Variants in PRKAG2 observed in about 807,000 individuals in gnomAD.
PRKAG2 encodes the protein 5'-AMP-activated protein kinase subunit gamma-2.
In PRKAG2, 26 loss-of-function variants were observed where a neutral mutation model predicts 69.6. The ratio of observed to expected loss-of-function variants is 0.37; its 90% CI spans 0.27 to 0.52. The LOEUF (loss-of-function observed/expected upper bound fraction) is 0.52, where lower values mean the gene tolerates loss of function less well. Among genes scored for constraint, PRKAG2 ranks in the 20% least tolerant of loss-of-function variants. PRKAG2 has a pLI of 0.90. For missense variants in PRKAG2, 557 were observed against 740.0 expected, an observed-to-expected ratio of 0.75 and a Z score of 2.87; for synonymous variants, 293 against 285.0, an observed-to-expected ratio of 1.03 and a Z score of -0.28.
chr7:151,617,851 A>G (rs1241945721), intron 5 of PRKAG2, among the ~76,000 whole-genome samples: 1 of 152,142 alleles, frequency 6.6e-6, no homozygotes, highest in Non-Finnish European at 1.5e-5. Flanking sequence ...ATAATTCCAC[A>G]AAAAATTATC....
chr7:151,772,557 G>A (rs180768219), intron 3 of PRKAG2, among the ~76,000 whole-genome samples: 2 of 152,276 alleles, frequency 1.3e-5, no homozygotes, highest in Admixed American at 6.5e-5. Context: ...GAAAGGCTGT[G>A]GATATTTATA....
At position 151,729,620 on chromosome 7, in the gene PRKAG2, G is replaced by A. The variant is rs552315469; in HGVS notation, c.466+51532C>T. ...CAGGTGTGATCCAGAGCCCTCCCAC[G>A]GTCCACAAGAGGGGCATACACTGGC... On this transcript the variant is annotated intron_variant, in intron 3 of 15. Coordinates refer to ENST00000287878, the MANE Select transcript of PRKAG2 (RefSeq NM_016203.4). Among the ~76,000 whole-genome samples the A allele has an allele frequency of 4.6e-5, 7 of 152,188 alleles. No homozygotes were observed. The East Asian group carries it at 5.8e-4, about 13-fold the overall frequency.
chr7:151,632,643 G>A lies in PRKAG2; in HGVS notation c.685-505C>T. On this transcript the variant is annotated intron_variant, in intron 4 of 15. Transcript: ENST00000287878. This position sits in a 1 kb window ranked among gnomAD's most constrained non-coding sequence, Gnocchi z 4.2. ...GTGGGCTCCGCGGCGCGGGGAGGGG[G>A]AGAGGGGCTGGAGGCTGCAGAACGC... 4.1e-6 allele frequency: 4 copies of A among 982,830 alleles called. No individual in the cohort carries two copies. The highest frequency in any genetic ancestry group is 4.8e-6 in the Non-Finnish European group (4 of 827,678). 60.9% of individuals were successfully genotyped at this position (982,830 alleles called of 1,614,324 possible). A position where few individuals can be genotyped will look rare whatever the true frequency, so the allele number is the denominator to read the frequency against.
At chr7:151,774,913 A>G (rs1207664760) in intron 3 of PRKAG2, among the ~76,000 whole-genome samples, 1 of 152,270 alleles carries the variant, frequency 6.6e-6, no homozygotes, top group Non-Finnish European at 1.5e-5. Flanking sequence ...TTTGTCATGT[A>G]GGCCATAAAT....
chr7:151,628,828 G>T (rs1266971610), intron 5 of PRKAG2, among the ~76,000 whole-genome samples: 1 of 152,204 alleles, frequency 6.6e-6, no homozygotes, highest in Non-Finnish European at 1.5e-5. Context: ...GCACTGCTGA[G>T]AACTTGCTAT....
At position 151,756,952 on chromosome 7, in the gene PRKAG2, G is replaced by A. The variant is rs2075130583; in HGVS notation, c.466+24200C>T. Among the ~76,000 whole-genome samples, 1 of 152,190 alleles carries A rather than the reference G, an allele frequency of 6.6e-6. No homozygotes were observed. Among genetic ancestry groups the A allele is most frequent in the African/African-American group, 2.4e-5 (1 of 41,448 alleles). The stretch of plus-strand genomic sequence containing the variant: ...ACGATTCAGACGGGGTCAGCGCTGC[G>A]ATTCGGGGGAGTAACCAGCGGTGAG... On this transcript the variant is annotated intron_variant, in intron 3 of 15. Transcript: ENST00000287878. This position sits in a 1 kb window ranked among gnomAD's most constrained non-coding sequence, Gnocchi z 4.9.
chr7:151,594,364 C>T (rs56347356), intron 6 of PRKAG2, among the ~76,000 whole-genome samples: 5,405 of 152,238 alleles, frequency 0.036, 318 homozygotes, highest in African/African-American at 0.12. Context: ...TAAATGTATA[C>T]GCACAGATAT....
At chr7:151,575,792 T>C (rs1808749343) in intron 7 of PRKAG2, among the ~76,000 whole-genome samples, 2 of 149,510 alleles carry the variant, frequency 1.3e-5, no homozygotes, top group South Asian at 4.2e-4. Context: ...ACACATAAGC[T>C]CTTCAGAGAG....
intron 1 of PRKAG2, among the ~76,000 whole-genome samples, chr7:151,794,156 C>A (rs771484538): frequency 6.6e-6 from 1 of 152,218 alleles, no homozygotes; most frequent in Non-Finnish European, 1.5e-5. Context: ...GGCCTGGCAG[C>A]CTGAGCCTCC....
chr7:151,599,979 T>G (rs1471919990), intron 5 of PRKAG2, among the ~76,000 whole-genome samples: 1 of 152,234 alleles, frequency 6.6e-6, no homozygotes, highest in Non-Finnish European at 1.5e-5. Context: ...CTGACACTAC[T>G]GCTTCCTCTG....
chr7:151,632,681 G>T lies in PRKAG2; in HGVS notation c.685-543C>A. ...GGCTGCAGAACGCCCCGGGGCGCCA[G>T]CTAGGGGATCCTTTCTCGCTTTCCT... On this transcript the variant is annotated intron_variant, in intron 4 of 15. Coordinates refer to ENST00000287878, the MANE Select transcript of PRKAG2 (RefSeq NM_016203.4). This position sits in a 1 kb window ranked among gnomAD's most constrained non-coding sequence, Gnocchi z 4.2. 7.2e-6 allele frequency: 6 copies of T among 830,796 alleles called. No homozygotes were observed. The highest frequency in any genetic ancestry group is 8.7e-6 in the Non-Finnish European group (6 of 688,480). The allele number at this position is 830,796 out of a possible 1,614,324, so 51.5% of individuals were successfully genotyped here.
At chr7:151,663,134 A>T (rs759352225) in intron 4 of PRKAG2, among the ~76,000 whole-genome samples, 3 of 152,160 alleles carry the variant, frequency 2.0e-5, no homozygotes, top group Admixed American at 6.5e-5. Flanking sequence ...TCTGGAAATC[A>T]TGGCAAGGGA....
rs568155117 is a variant in PRKAG2, at chr7:151,561,248, G to A, written c.1585-631C>T. On this transcript the variant is annotated intron_variant, in intron 14 of 15. Transcript: ENST00000287878. The stretch of plus-strand genomic sequence containing the variant: ...ATTTTCAAAATATTAATATAGAAAA[G>A]ATACAACTCAAACACGAAACACAAC... Among the ~76,000 whole-genome samples the A allele has an allele frequency of 8.5e-5, 13 of 152,282 alleles. No homozygotes were observed. The South Asian group carries it at 2.7e-3, about 32-fold the overall frequency.
intron 2 of PRKAG2, among the ~76,000 whole-genome samples, chr7:151,782,752 C>T (rs1237377243): frequency 3.3e-5 from 5 of 152,204 alleles, no homozygotes; most frequent in Admixed American, 6.5e-5. Flanking sequence ...GTGCCCTCAC[C>T]TCAAGGGCTG....
intron 5 of PRKAG2, among the ~76,000 whole-genome samples, chr7:151,620,225 T>C (rs1821150154): frequency 6.6e-6 from 1 of 152,174 alleles, no homozygotes. Context: ...AAAAGGAACA[T>C]ATGTTGAATT....
intron 3 of PRKAG2, among the ~76,000 whole-genome samples, chr7:151,713,257 T>C (rs1310608098): frequency 6.6e-6 from 1 of 152,204 alleles, no homozygotes; most frequent in Non-Finnish European, 1.5e-5. Context: ...CCTCACACTG[T>C]CTTCTGGGAA....
intron 14 of PRKAG2, 111 bp from the exon 15 acceptor site, chr7:151,560,728 C>T (rs1399804046): frequency 7.2e-6 from 10 of 1,383,080 alleles, no homozygotes; most frequent in Admixed American, 1.9e-5. Context: ...ATCCCTCCAG[C>T]CTGGGGAATA....
intron 1 of PRKAG2, among the ~76,000 whole-genome samples, chr7:151,830,782 C>T (rs914024321): frequency 5.1e-4 from 5 of 9,736 alleles, no homozygotes; most frequent in Non-Finnish European, 8.0e-4. Context: ...AGGATGGGGG[C>T]GGGGCGGGGG....
rs953267016 is a variant in PRKAG2, at chr7:151,777,787, C to T, written c.466+3365G>A. ...GAAAGCAAGGATGATAATAGTACCT[C>T]CCTGAAACCAACTGTTCCTTGCTCA... On this transcript the variant is annotated intron_variant, in intron 3 of 15. Coordinates refer to ENST00000287878, the MANE Select transcript of PRKAG2 (RefSeq NM_016203.4). This position sits in a 1 kb window ranked among gnomAD's most constrained non-coding sequence, Gnocchi z 4.3. Among the ~76,000 whole-genome samples the T allele has an allele frequency of 2.0e-5, 3 of 152,190 alleles. No homozygotes were observed. The highest frequency in any genetic ancestry group is 2.0e-4 in the Admixed American group (3 of 15,282).
Sources: gnomAD v4.1 joint callset for allele counts (sites outside exome capture counted in the v4.1 genomes callset) on GRCh38, gnomAD v4.1.1 for gene constraint, Gnocchi (gnomAD v3.1) non-coding constraint, MANE v1.5 for transcripts, NCBI Gene and HGNC (gene_info 2026-07-23, HGNC 2026-07-21) for gene names.